Variants in CCDC148 observed in about 807,000 individuals in gnomAD.
CCDC148 encodes coiled-coil domain containing 148.
A neutral mutation model predicts 85.7 loss-of-function variants in CCDC148; 89 were observed. The ratio of observed to expected loss-of-function variants is 1.04; its 90% confidence interval spans 0.87 to 1.24. The LOEUF (loss-of-function observed/expected upper bound fraction) is 1.24. Among genes scored for constraint, CCDC148 ranks in the 50% most tolerant of loss-of-function variants. The pLI, the probability that CCDC148 is intolerant of heterozygous loss-of-function variation, is 0.00. For synonymous variants in CCDC148, 230 were observed against 213.9 expected, an observed-to-expected ratio of 1.08 and a Z score of -0.66; for missense variants, 692 against 671.7, an observed-to-expected ratio of 1.03 and a Z score of -0.33.
chr2:158,272,197 T>C (rs1162890119), intron 9 of CCDC148, among the ~76,000 whole-genome samples: 1 of 152,142 alleles, frequency 6.6e-6, no homozygotes, highest in East Asian at 1.9e-4. Flanking sequence ...TGGGAAATTC[T>C]GGGGAAAGCA....
chr2:158,213,013 A>C lies in CCDC148; in HGVS notation c.1370+7582T>G, dbSNP rs78711350. On this transcript the variant is annotated intron_variant, in intron 11 of 13. Transcript: ENST00000283233. Reference sequence around the variant, plus strand: ...TTCTTAAATTTTGCTGCACTTTAGAATCCCCTAAGAATTTCCCAAAAATGT... The same window carrying C: ...TTCTTAAATTTTGCTGCACTTTAGACTCCCCTAAGAATTTCCCAAAAATGT... Among the ~76,000 whole-genome samples, 1,086 of 152,274 alleles carry C rather than the reference A, an allele frequency of 7.1e-3. 10 individuals are homozygous for C. Among genetic ancestry groups the C allele is most frequent in the African/African-American group, 0.024 (1,015 of 41,544 alleles).
chr2:158,282,498 A>G (rs1298429471), intron 9 of CCDC148, among the ~76,000 whole-genome samples: 5 of 152,200 alleles, frequency 3.3e-5, no homozygotes, highest in Non-Finnish European at 7.3e-5. Context: ...ACCAACAGAG[A>G]GCCAAATCAT....
chr2:158,311,080 C>A (rs1487358254), intron 8 of CCDC148, among the ~76,000 whole-genome samples: 2 of 152,228 alleles, frequency 1.3e-5, no homozygotes, highest in African/African-American at 4.8e-5. Context: ...GGTGGCCGGG[C>A]AGAGGCTGCA....
In CCDC148 at chr2:158,415,189, G is replaced by A. The variant is rs963768786; in HGVS notation, c.25+41226C>T. 4.0e-5 allele frequency among the ~76,000 whole-genome samples: 6 copies of A among 151,792 alleles called. No individual in the cohort carries two copies. In the South Asian group the frequency reaches 1.0e-3, roughly 26 times the overall value. On this transcript the variant is annotated intron_variant, in intron 1 of 13. Transcript: ENST00000283233. ...CATGGTTTTACAGGCTGTACAGGAG[G>A]CATGGCTAGGGAGGCCTCAACAATC...
Position 158,267,091 on chromosome 2 carries a change from C to A in CCDC148, c.1111-16179G>T, listed in dbSNP as rs74946113. Among the ~76,000 whole-genome samples the A allele has an allele frequency of 5.6e-3, 845 of 152,040 alleles. 10 individuals carry two copies. The highest frequency in any genetic ancestry group is 0.019 in the African/African-American group (805 of 41,492). On this transcript the variant is annotated intron_variant, in intron 9 of 13. Transcript: ENST00000283233. ...CTATCAAATTTCAACCTCTCCCGAA[C>A]TAGATAAAACTCCGATTCTTAGCAT...
chr2:158,448,347 T>TA (rs1241237682), intron 1 of CCDC148, among the ~76,000 whole-genome samples: 15 of 151,352 alleles, frequency 9.9e-5, no homozygotes, highest in Non-Finnish European at 1.5e-5. Flanking sequence ...TCCATTTTAT[T>TA]TTTTTTTTAT....
chr2:158,319,214 CTT>C (rs1692416356), intron 7 of CCDC148, among the ~76,000 whole-genome samples: 1 of 152,090 alleles, frequency 6.6e-6, no homozygotes, highest in Admixed American at 6.5e-5. Context: ...AGAATGCTGA[CTT>C]TATTCAAGAT....
intron 9 of CCDC148, among the ~76,000 whole-genome samples, chr2:158,299,064 T>C (rs1691325430): frequency 6.6e-6 from 1 of 152,224 alleles, no homozygotes; most frequent in African/African-American, 2.4e-5. Context: ...CTTGGCCTTT[T>C]AGAGGGTAAG....
chr2:158,329,415 T>C (rs1016503948), intron 7 of CCDC148, among the ~76,000 whole-genome samples: 6 of 152,362 alleles, frequency 3.9e-5, no homozygotes, highest in African/African-American at 1.2e-4. Flanking sequence ...TTGGTTACTG[T>C]AGCCTTGTAG....
In CCDC148 at chr2:158,265,768, C is replaced by T. The variant is rs115424031; in HGVS notation, c.1111-14856G>A. Among the ~76,000 whole-genome samples the T allele has an allele frequency of 7.4e-3, 1,124 of 152,184 alleles. 19 individuals carry two copies. The highest frequency in any genetic ancestry group is 0.026 in the African/African-American group (1,072 of 41,534). ...AATTATTCAGCTCTCTGTTGGGTAG[C>T]CAACATATCTCCAAAAGCAGCACAT... On this transcript the variant is annotated intron_variant, in intron 9 of 13. Transcript: ENST00000283233.
chr2:158,339,585 T>TA (rs1278337906), intron 5 of CCDC148, among the ~76,000 whole-genome samples: 2 of 152,018 alleles, frequency 1.3e-5, no homozygotes, highest in South Asian at 2.1e-4. Flanking sequence ...GACAAACTAA[T>TA]AAAAAAATAT....
At chr2:158,414,478 T>C (rs112114360) in intron 1 of CCDC148, among the ~76,000 whole-genome samples, 5 of 152,194 alleles carry the variant, frequency 3.3e-5, no homozygotes, top group African/African-American at 1.2e-4. Flanking sequence ...CAGTGCCCAA[T>C]AGCCTATCAC....
intron 11 of CCDC148, among the ~76,000 whole-genome samples, chr2:158,209,098 GTA>G (rs10656848): frequency 6.6e-6 from 1 of 150,634 alleles, no homozygotes; most frequent in South Asian, 2.1e-4. Context: ...GTGTATGTAT[GTA>G]TATATATAAA....
At chr2:158,426,406 G>C (rs1183394697) in intron 1 of CCDC148, among the ~76,000 whole-genome samples, 1 of 152,154 alleles carries the variant, frequency 6.6e-6, no homozygotes, top group Non-Finnish European at 1.5e-5. Flanking sequence ...TGTAGTTAGT[G>C]AATAAACTTG....
At chr2:158,236,670 C>A (rs973715054) in intron 10 of CCDC148, among the ~76,000 whole-genome samples, 1 of 152,118 alleles carries the variant, frequency 6.6e-6, no homozygotes, top group Non-Finnish European at 1.5e-5. Context: ...GGAGGCAAAA[C>A]CCACAGAGCC....
At chr2:158,358,795 G>T (rs1451599730) in intron 1 of CCDC148, among the ~76,000 whole-genome samples, 1 of 151,720 alleles carries the variant, frequency 6.6e-6, no homozygotes, top group Non-Finnish European at 1.5e-5. Context: ...CTTCTGAAAG[G>T]GTACAGAGGG....
intron 9 of CCDC148, chr2:158,288,935 C>T: frequency 4.0e-6 from 1 of 252,120 alleles, no homozygotes; most frequent in Non-Finnish European, 7.8e-6. Context: ...TACATGGTGG[C>T]AGCAAGAGAA....
chr2:158,424,450 A>T (rs1427190475), intron 1 of CCDC148, among the ~76,000 whole-genome samples: 2 of 152,190 alleles, frequency 1.3e-5, no homozygotes, highest in Non-Finnish European at 2.9e-5. Flanking sequence ...CATCATTCTC[A>T]GCAAACTATC....
intron 1 of CCDC148, among the ~76,000 whole-genome samples, chr2:158,363,305 C>T (rs1684050273): frequency 6.6e-6 from 1 of 152,204 alleles, no homozygotes; most frequent in Non-Finnish European, 1.5e-5. Flanking sequence ...TCCTCCCTAA[C>T]TCATTTTGTA....
Sources: gnomAD v4.1 joint callset for allele counts (sites outside exome capture counted in the v4.1 genomes callset) on GRCh38, gnomAD v4.1.1 for gene constraint, MANE v1.5 for transcripts, NCBI Gene and HGNC (gene_info 2026-07-23, HGNC 2026-07-21) for gene names.